The following MYO10 variants were observed in gnomAD, a reference collection of about 807,000 sequenced individuals.
MYO10 encodes myosin X.
In MYO10, 133 loss-of-function variants were observed where a neutral mutation model predicts 257.3. The ratio of observed to expected loss-of-function variants is 0.52; its 90% CI spans 0.45 to 0.60. The LOEUF (loss-of-function observed/expected upper bound fraction) is 0.60, where lower values mean the gene tolerates loss of function less well. Among genes scored for constraint, MYO10 ranks in the 20% least tolerant of loss-of-function variants. The pLI, the probability that MYO10 is intolerant of heterozygous loss-of-function variation, is 0.00. For synonymous variants in MYO10, 1,104 were observed against 1,028.6 expected (o/e 1.07, Z -1.40); for missense variants, 2,399 against 2,635.7 (o/e 0.91, Z 1.97).
In MYO10 at chr5:16,666,740, C is replaced by T; in HGVS notation, c.6129G>A (p.Lys2043=). 6.2e-7 allele frequency: 1 copy of T among 1,608,432 alleles called. No homozygotes were observed. Among genetic ancestry groups the T allele is most frequent in the Non-Finnish European group, 8.5e-7 (1 of 1,178,616 alleles). The part of the protein sequence containing the change: ...MKAYISMIVK[K]RYSTTRSASS... Reference sequence around the variant, plus strand: ...TGGCGGAGCGTGTCGTGCTGTAGCGCTTCTTCACGATCATGCTGATGTAGG... The same window carrying T: ...TGGCGGAGCGTGTCGTGCTGTAGCGTTTCTTCACGATCATGCTGATGTAGG... The change falls in exon 41 of 41, where the codon AAG becomes AAA. Residue 2043 remains lysine, a synonymous_variant. Coordinates refer to ENST00000513610, the MANE Select transcript of MYO10 (RefSeq NM_012334.3).
chr5:16,764,538 G>T, intron 11 of MYO10, 142 bp from the exon 12 acceptor site: 1 of 770,394 alleles, frequency 1.3e-6, no homozygotes, highest in Non-Finnish European at 2.0e-6. Flanking sequence ...TCTCATCTAG[G>T]AAAGGACAGA....
intron 1 of MYO10, among the ~76,000 whole-genome samples, chr5:16,908,716 T>C (rs1745580087): frequency 6.6e-6 from 1 of 152,164 alleles, no homozygotes; most frequent in Non-Finnish European, 1.5e-5. Context: ...GATATAGATA[T>C]GATAAGTATA....
intron 2 of MYO10, among the ~76,000 whole-genome samples, chr5:16,848,589 G>T (rs10213824): frequency 0.36 from 54,968 of 151,930 alleles, 12,299 homozygotes; most frequent in African/African-American, 0.64. Flanking sequence ...CCAACATCAC[G>T]TGGGGTTTGT....
At chr5:16,826,413 A>G (rs1239590266) in intron 2 of MYO10, among the ~76,000 whole-genome samples, 1 of 152,242 alleles carries the variant, frequency 6.6e-6, no homozygotes, top group East Asian at 1.9e-4. Context: ...AGTGACTGGC[A>G]TACAACAAGA....
At chr5:16,741,180 C>T (rs918260346) in intron 19 of MYO10, among the ~76,000 whole-genome samples, 4 of 152,116 alleles carry the variant, frequency 2.6e-5, no homozygotes, top group East Asian at 1.9e-4. Context: ...ACCTCTACTT[C>T]GGGGAGTAAA....
Position 16,675,110 on chromosome 5 carries a change from G to A in MYO10, c.4707C>T (p.Ala1569=), listed in dbSNP as rs779489862. 23 of 1,613,786 alleles carry A rather than the reference G, an allele frequency of 1.4e-5. No individual in the cohort carries two copies. The highest frequency in any genetic ancestry group is 1.8e-5 in the Non-Finnish European group (21 of 1,179,890). The change falls in exon 35 of 41, where the codon GCC becomes GCT. Residue 1569 remains alanine, a synonymous_variant. Coordinates refer to ENST00000513610, the MANE Select transcript of MYO10 (RefSeq NM_012334.3). ...GCTGCAGGGAATTGAATATCTTGATGGCCTCATCCTGAAGGGTGGTATAGC... is the reference window on the plus strand; with the variant it reads ...GCTGCAGGGAATTGAATATCTTGATAGCCTCATCCTGAAGGGTGGTATAGC... ...DKGYTTLQDE[A]IKIFNSLQQL...
At chr5:16,767,360 G>A (rs546517320) in intron 10 of MYO10, among the ~76,000 whole-genome samples, 6 of 151,650 alleles carry the variant, frequency 4.0e-5, no homozygotes, top group African/African-American at 7.3e-5. Context: ...TAGTAGCGAC[G>A]GGTTTCACCG....
chr5:16,758,199 T>C lies in MYO10; in HGVS notation c.1767A>G (p.Glu589=). Reference sequence around the variant, plus strand: ...CCTGGTTGTTGCGGCTTGAAACATGTTCAAAAAGATCGTAGATAAAGTCAA... The same window carrying C: ...CCTGGTTGTTGCGGCTTGAAACATGCTCAAAAAGATCGTAGATAAAGTCAA... ...SRFDFIYDLF[E]HVSSRNNQDT... Residue 589 remains glutamate, a synonymous_variant, in exon 18 of 41, where the codon GAA becomes GAG. Coordinates refer to ENST00000513610, the MANE Select transcript of MYO10 (RefSeq NM_012334.3). 6.2e-7 allele frequency: 1 copy of C among 1,613,238 alleles called. No individual in the cohort carries two copies. The highest frequency in any genetic ancestry group is 8.5e-7 in the Non-Finnish European group (1 of 1,179,238).
chr5:16,880,832 G>A (rs1414311482), intron 1 of MYO10, among the ~76,000 whole-genome samples: 5 of 152,142 alleles, frequency 3.3e-5, no homozygotes, highest in Non-Finnish European at 7.3e-5. Context: ...CATCTGCTAC[G>A]ACGCTGGTCT....
At chr5:16,831,993 A>C (rs1743176438) in intron 2 of MYO10, among the ~76,000 whole-genome samples, 1 of 152,106 alleles carries the variant, frequency 6.6e-6, no homozygotes, top group Admixed American at 6.6e-5. Context: ...CCCAGCCTGG[A>C]GTGCAGTGGA....
intron 14 of MYO10, among the ~76,000 whole-genome samples, chr5:16,763,019 A>G (rs1740765856): frequency 6.6e-6 from 1 of 151,872 alleles, no homozygotes; most frequent in South Asian, 2.1e-4. Flanking sequence ...ACTATTTGAG[A>G]GCTCTTCTCT....
intron 2 of MYO10, among the ~76,000 whole-genome samples, chr5:16,839,832 AAGGTAGGCT>A (rs1280766457): frequency 6.6e-6 from 1 of 152,184 alleles, no homozygotes; most frequent in Non-Finnish European, 1.5e-5. Context: ...GAGGATGTTT[AAGGTAGGCT>A]AGGCTAGGCT....
intron 19 of MYO10, among the ~76,000 whole-genome samples, chr5:16,745,837 A>G (rs573140340): frequency 7.9e-4 from 120 of 152,322 alleles, no homozygotes; most frequent in African/African-American, 2.7e-3. Flanking sequence ...GAACTAGATC[A>G]TATTTCCTCA....
Position 16,818,165 on chromosome 5 carries a change from T to C in MYO10, c.123A>G (p.Val41=), listed in dbSNP as rs1742681617. Residue 41 remains valine, a splice_region_variant and synonymous_variant, in exon 3 of 41, where the codon GTA becomes GTG. Transcript: ENST00000513610. ...IVVFRTDYGQ[V]FTYKQSTITH... The stretch of plus-strand genomic sequence containing the variant: ...TAATTGTGCTCTGCTTGTAAGTGAA[T>C]ACCTGAGGGAGGGAGAGGAATTCAA... The C allele has an allele frequency of 3.2e-6, 5 of 1,552,008 alleles. No individual in the cohort carries two copies. Among genetic ancestry groups the C allele is most frequent in the Non-Finnish European group, 3.5e-6 (4 of 1,141,064 alleles).
chr5:16,766,085 G>C lies in MYO10; in HGVS notation c.1174C>G (p.Gln392Glu), dbSNP rs1214097660. Residue 392 changes from glutamine (Q) to glutamate (E), a missense_variant, in exon 11 of 41, where the codon CAA becomes GAA. Transcript: ENST00000513610. ...GEEILTPLNV[Q>E]QAVDSRDSLA... ...AGATGGCAAAGCGTGTGTACCTGTTGAACATTGAGAGGCGTGAGGATCTCT... is the reference window on the plus strand; with the variant it reads ...AGATGGCAAAGCGTGTGTACCTGTTCAACATTGAGAGGCGTGAGGATCTCT... The C allele has an allele frequency of 6.2e-7, 1 of 1,604,752 alleles. No individual in the cohort carries two copies. The highest frequency in any genetic ancestry group is 1.3e-5 in the African/African-American group (1 of 74,646).
intron 19 of MYO10, among the ~76,000 whole-genome samples, chr5:16,740,540 C>A (rs994300818): frequency 1.3e-5 from 2 of 152,074 alleles, no homozygotes; most frequent in Non-Finnish European, 2.9e-5. Context: ...TATGTACACC[C>A]CATTTTAGCA....
In MYO10 at chr5:16,694,542, T is replaced by C; in HGVS notation, c.3629A>G (p.Lys1210Arg). The C allele has an allele frequency of 6.2e-7, 1 of 1,613,958 alleles. No homozygotes were observed. The highest frequency in any genetic ancestry group is 1.3e-5 in the African/African-American group (1 of 75,038). ...CCAGCCTTGCTTGAGGGCCTCCTGCTTGGAGCGGAACCACAAGAAGGTTTC... is the reference window on the plus strand; with the variant it reads ...CCAGCCTTGCTTGAGGGCCTCCTGCCTGGAGCGGAACCACAAGAAGGTTTC... Reference protein sequence around the residue: ...KDETFLWFRSKQEALKQGWLH... With the variant: ...KDETFLWFRSRQEALKQGWLH... Residue 1210 changes from lysine to arginine, a missense_variant, in exon 27 of 41, where the codon AAG (lysine) becomes AGG (arginine). Around this residue, in one of 3 missense-constraint regions of MYO10, gnomAD observed 1,820 missense variants for 1,939.4 expected, o/e 0.94. Transcript: ENST00000513610.
At chr5:16,816,507 C>T (rs1742615291) in intron 3 of MYO10, among the ~76,000 whole-genome samples, 1 of 151,438 alleles carries the variant, frequency 6.6e-6, no homozygotes, top group Non-Finnish European at 1.5e-5. Flanking sequence ...TTTCAATTAG[C>T]ACCTACTATC....
chr5:16,751,173 C>T (rs1740367186), intron 19 of MYO10, among the ~76,000 whole-genome samples: 2 of 152,098 alleles, frequency 1.3e-5, no homozygotes, highest in African/African-American at 2.4e-5. Context: ...CATCCCTCCA[C>T]GCTGAAAATA....
Sources: allele counts gnomAD v4.1 joint callset (sites outside exome capture counted in the v4.1 genomes callset), GRCh38; gene constraint gnomAD v4.1.1; regional missense constraint gnomAD v4.1.1; transcripts MANE v1.5; gene names NCBI Gene and HGNC (gene_info 2026-07-23, HGNC 2026-07-21).